SEL1L: variants seen among roughly 807,000 people sequenced by gnomAD.
SEL1L encodes the protein protein sel-1 homolog 1.
Under a neutral mutation model 109.8 loss-of-function variants are expected in SEL1L, and 52 were observed. The observed-to-expected ratio is 0.47, with a 90% CI of 0.38 to 0.60. The LOEUF (loss-of-function observed/expected upper bound fraction) is 0.60, where lower values mean the gene tolerates loss of function less well. SEL1L is among the 20% of genes least tolerant of loss of function. The pLI, the probability that SEL1L is intolerant of heterozygous loss-of-function variation, is 0.00. For synonymous variants in SEL1L, 373 were observed against 339.6 expected, an observed-to-expected ratio of 1.10 and a Z score of -1.08; for missense variants, 749 against 962.2, an observed-to-expected ratio of 0.78 and a Z score of 2.93.
intron 10 of SEL1L, among the ~76,000 whole-genome samples, chr14:81,496,383 G>T (rs906806037): frequency 6.6e-6 from 1 of 152,106 alleles, no homozygotes; most frequent in Admixed American, 6.5e-5. Flanking sequence ...TGCTCTAAAG[G>T]AAACACAAAT....
chr14:81,531,393 G>GC (rs145346322), intron 1 of SEL1L, among the ~76,000 whole-genome samples: 2,013 of 152,260 alleles, frequency 0.013, 26 homozygotes, highest in Middle Eastern at 0.02. Context: ...GATGCGACCT[G>GC]CCCTGGGTAA....
chr14:81,483,617 T>G (rs560740154), intron 19 of SEL1L, among the ~76,000 whole-genome samples: 2 of 152,224 alleles, frequency 1.3e-5, no homozygotes, highest in African/African-American at 4.8e-5. Flanking sequence ...TAAGTGGGTA[T>G]TAAATTATTG....
intron 17 of SEL1L, 93 bp from the exon 18 acceptor site, chr14:81,485,839 TAA>T: frequency 1.0e-6 from 1 of 972,748 alleles, no homozygotes; most frequent in South Asian, 1.4e-5. Context: ...AGGTGAAGCA[TAA>T]GTTAAACAAG....
intron 3 of SEL1L, among the ~76,000 whole-genome samples, chr14:81,525,529 G>C (rs1885078509): frequency 6.6e-6 from 1 of 151,928 alleles, no homozygotes; most frequent in African/African-American, 2.4e-5. Context: ...CAGGGAAAGA[G>C]GTATTTTCAG....
chr14:81,521,548 T>C (rs1302756708), intron 3 of SEL1L, among the ~76,000 whole-genome samples: 1 of 152,216 alleles, frequency 6.6e-6, no homozygotes, highest in African/African-American at 2.4e-5. Context: ...CATAAGATTA[T>C]ATCGCTGACA....
At chr14:81,496,178 G>A (rs2140006940) in intron 10 of SEL1L, among the ~76,000 whole-genome samples, 1 of 151,936 alleles carries the variant, frequency 6.6e-6, no homozygotes. Flanking sequence ...AAAAAAATTA[G>A]CCGGGCATGG....
intron 14 of SEL1L, 135 bp from the exon 15 acceptor site, chr14:81,488,077 A>T: frequency 1.6e-6 from 1 of 611,498 alleles, no homozygotes; most frequent in South Asian, 2.2e-5. Flanking sequence ...CCACTTTCTA[A>T]TTCTTATAAT....
intron 3 of SEL1L, among the ~76,000 whole-genome samples, chr14:81,510,293 G>GATT (rs965408903): frequency 1.3e-5 from 2 of 152,154 alleles, no homozygotes; most frequent in Non-Finnish European, 2.9e-5. Flanking sequence ...GGAAATCAGT[G>GATT]ATTATAGAGA....
intron 11 of SEL1L, among the ~76,000 whole-genome samples, chr14:81,492,958 A>G (rs34584033): frequency 0.045 from 6,819 of 152,296 alleles, 231 homozygotes; most frequent in Non-Finnish European, 0.071. Flanking sequence ...GACATGGAGC[A>G]TATTTTCATT....
chr14:81,489,100 G>C, intron 14 of SEL1L, 152 bp downstream of exon 14: 1 of 704,210 alleles, frequency 1.4e-6, no homozygotes. Flanking sequence ...GTATGGGGTG[G>C]TAGTGAGACA....
At chr14:81,510,514 C>CTCTCTCTCTCTATATATATA (rs35474067) in intron 3 of SEL1L, among the ~76,000 whole-genome samples, 25 of 104,076 alleles carry the variant, frequency 2.4e-4, no homozygotes, top group African/African-American at 3.8e-4. Flanking sequence ...CTCTCTCTCT[C>CTCTCTCTCTCTATATATATA]TATATATATA....
Position 81,527,691 on chromosome 14 carries a change from T to C in SEL1L, c.108+10A>G, listed in dbSNP as rs765808363. ...AGCAAATACTGGCCAATACACATTT[T>C]AGTACATACCTTGGAATCTAAGGAT... On this transcript the variant is annotated intron_variant, in intron 2 of 20. Coordinates refer to ENST00000336735, the MANE Select transcript of SEL1L (RefSeq NM_005065.6). The C allele has an allele frequency of 3.5e-5, 56 of 1,596,322 alleles. No individual in the cohort carries two copies. Among genetic ancestry groups the C allele is most frequent in the Non-Finnish European group, 4.7e-5 (55 of 1,170,870 alleles).
rs138707251 is a variant in SEL1L, at chr14:81,492,735, A to G, written c.1186-187T>C. 3.3e-5 allele frequency among the ~76,000 whole-genome samples: 5 copies of G among 152,368 alleles called. No homozygotes were observed. The East Asian group carries it at 7.7e-4, about 23-fold the overall frequency. The stretch of plus-strand genomic sequence containing the variant: ...ACATCTAGAAGTTTTATTTTACCAA[A>G]TAACAGTACCATTTATCATTAAGTC... On this transcript the variant is annotated intron_variant, in intron 11 of 20. Transcript: ENST00000336735.
chr14:81,527,875 C>G (rs1006999888), intron 1 of SEL1L, 137 bp from the exon 2 acceptor site: 4 of 560,732 alleles, frequency 7.1e-6, no homozygotes, highest in Non-Finnish European at 1.2e-5. Context: ...TTAAAGTTAG[C>G]TATATTCAGC....
chr14:81,488,871 G>C (rs1187122257), intron 14 of SEL1L: 1 of 264,434 alleles, frequency 3.8e-6, no homozygotes, highest in Admixed American at 5.5e-5. Flanking sequence ...AAGGGGTAAA[G>C]GGCAGAACAG....
chr14:81,510,529 T>G (rs1047415448), intron 3 of SEL1L, among the ~76,000 whole-genome samples: 1 of 148,268 alleles, frequency 6.7e-6, no homozygotes, highest in African/African-American at 2.5e-5. Context: ...TATATATATA[T>G]AGACAATTAA....
rs1016416580 is a variant in SEL1L, at chr14:81,476,437, T to C, written c.*535A>G. ...TGAATATGTCTAATTGCATGTGGAC[T>C]GGTAAGAGTTTCTCAGTTATCGCAG... On this transcript the variant is annotated 3_prime_UTR_variant, in exon 21 of 21. Coordinates refer to ENST00000336735, the MANE Select transcript of SEL1L (RefSeq NM_005065.6). 3 of 152,890 alleles carry C rather than the reference T, an allele frequency of 2.0e-5. No homozygotes were observed. The highest frequency in any genetic ancestry group is 4.4e-5 in the Non-Finnish European group (3 of 68,634). The allele number at this position is 152,890 out of a possible 1,614,324, so 9.5% of individuals were successfully genotyped here. A position where few individuals can be genotyped will look rare whatever the true frequency, so the allele number is the denominator to read the frequency against.
chr14:81,496,776 T>C (rs1255579063), intron 10 of SEL1L, among the ~76,000 whole-genome samples: 1 of 151,992 alleles, frequency 6.6e-6, no homozygotes. Context: ...AAAGGTAAAT[T>C]TGAAAATAAA....
chr14:81,493,855 C>T (rs1429035158), intron 11 of SEL1L, among the ~76,000 whole-genome samples: 1 of 152,218 alleles, frequency 6.6e-6, no homozygotes, highest in African/African-American at 2.4e-5. Context: ...CTTAGCTTGG[C>T]TAACAAGATG....
Sources: allele counts gnomAD v4.1 joint callset (sites outside exome capture counted in the v4.1 genomes callset), GRCh38; gene constraint gnomAD v4.1.1; transcripts MANE v1.5; gene names NCBI Gene and HGNC (gene_info 2026-07-23, HGNC 2026-07-21).